The following TEX9 variants were observed in gnomAD, a reference collection of about 807,000 sequenced individuals.
The protein encoded by TEX9 is testis-expressed protein 9.
TEX9 carries 74 observed loss-of-function variants against 59.6 expected under a neutral mutation model. That is an observed-to-expected ratio of 1.24 (90% CI 1.03 to 1.51). TEX9 has a LOEUF of 1.51. Ranked by LOEUF, TEX9 falls within the 40% of genes most tolerant of loss-of-function variation. The pLI is 0.00. For missense variants in TEX9, 522 were observed against 447.8 expected (o/e 1.17, Z -1.49); for synonymous variants, 186 against 152.2 (o/e 1.22, Z -1.64).
At chr15:56,332,767 C>T (rs1189168229) in intron 1 of TEX9, among the ~76,000 whole-genome samples, 2 of 151,718 alleles carry the variant, frequency 1.3e-5, no homozygotes, top group East Asian at 1.9e-4. Context: ...AATGTACAAA[C>T]CGTTAGCCAG....
At chr15:56,401,691 G>A (rs1365777194) in intron 9 of TEX9, among the ~76,000 whole-genome samples, 2 of 152,114 alleles carry the variant, frequency 1.3e-5, no homozygotes, top group East Asian at 3.9e-4. Context: ...ATTCTTCTCA[G>A]CACATCACAC....
intron 1 of TEX9, among the ~76,000 whole-genome samples, chr15:56,359,216 A>T (rs544649166): frequency 6.6e-6 from 1 of 152,332 alleles, no homozygotes; most frequent in East Asian, 1.9e-4. Flanking sequence ...AATATACATA[A>T]AATTTACCAT....
chr15:56,400,028 G>T (rs1190835575), intron 9 of TEX9, among the ~76,000 whole-genome samples: 1 of 152,212 alleles, frequency 6.6e-6, no homozygotes. Flanking sequence ...AAGATGGGGA[G>T]AAACCAGAGC....
chr15:56,312,270 G>A (rs1192457041), intron 1 of TEX9, among the ~76,000 whole-genome samples: 3 of 137,994 alleles, frequency 2.2e-5, no homozygotes, highest in African/African-American at 2.7e-5. Flanking sequence ...GGGTTTTTAC[G>A]GTTTTAGGTC....
rs183463322 is a variant in TEX9, at chr15:56,265,319, A to G, written c.-107+21041A>G. On this transcript the variant is annotated intron_variant, in intron 1 of 5. Coordinates refer to the TEX9 transcript ENST00000560827. ...GTTGCTGAAACTACAGGAATGTGCT[A>G]CCAGGCCCAGCTTTTTTTTTATTTT... Among the ~76,000 whole-genome samples, 57 of 151,754 alleles carry G rather than the reference A, an allele frequency of 3.8e-4. 1 individual carries two copies. In the East Asian group the frequency reaches 9.7e-3, roughly 26 times the overall value.
At chr15:56,414,478 G>C (rs2049567256) in intron 10 of TEX9, among the ~76,000 whole-genome samples, 1 of 151,770 alleles carries the variant, frequency 6.6e-6, no homozygotes, top group Non-Finnish European at 1.5e-5. Context: ...CCACTTATAA[G>C]TGAAAACAAG....
At position 56,387,394 on chromosome 15, in the gene TEX9, A is replaced by G. The variant is rs151174713; in HGVS notation, c.264-1078A>G. Among the ~76,000 whole-genome samples, 686 of 152,080 alleles carry G rather than the reference A, an allele frequency of 4.5e-3. 6 individuals carry two copies. Among genetic ancestry groups the G allele is most frequent in the African/African-American group, 0.016 (654 of 41,534 alleles). On this transcript the variant is annotated intron_variant, in intron 4 of 12. Transcript: ENST00000352903. The stretch of plus-strand genomic sequence containing the variant: ...TAACATTTGGAAACATTTTCATGTC[A>G]TTTGTGAGAATGATTTAGTTTCTGT...
At chr15:56,403,664 T>A (rs1305113691) in intron 9 of TEX9, among the ~76,000 whole-genome samples, 3 of 152,138 alleles carry the variant, frequency 2.0e-5, no homozygotes, top group Admixed American at 6.5e-5. Context: ...AAAAGAGCCC[T>A]CATTGCCAAG....
At chr15:56,445,193 T>C (rs2050886597) in intron 12 of TEX9, among the ~76,000 whole-genome samples, 1 of 152,036 alleles carries the variant, frequency 6.6e-6, no homozygotes, top group East Asian at 1.9e-4. Context: ...CCCTTTCTGA[T>C]TTATTAAAGG....
the TEX9 span, among the ~76,000 whole-genome samples, chr15:56,455,551 G>A: frequency 8.5e-3 from 1,292 of 152,086 alleles, 12 homozygotes; most frequent in Middle Eastern, 0.021. Flanking sequence ...AACAACTATC[G>A]AAGTAAATTT....
At chr15:56,340,589 T>C (rs1371486886) in intron 1 of TEX9, among the ~76,000 whole-genome samples, 1 of 152,194 alleles carries the variant, frequency 6.6e-6, no homozygotes, top group African/African-American at 2.4e-5. Context: ...TCCAATGTCA[T>C]GGGAGAGCCC....
chr15:56,394,041 A>T (rs34544252), intron 7 of TEX9, 124 bp from the exon 8 acceptor site: 263,231 of 770,938 alleles, frequency 0.34, 47,808 homozygotes, highest in Middle Eastern at 0.43. Context: ...GCCCCCTAAC[A>T]GATATCTCCT....
At chr15:56,340,328 G>A (rs538403464) in intron 1 of TEX9, among the ~76,000 whole-genome samples, 1 of 152,090 alleles carries the variant, frequency 6.6e-6, no homozygotes, top group African/African-American at 2.4e-5. Flanking sequence ...GATAGACTTG[G>A]GCCAATACTC....
At chr15:56,331,460 G>C (rs994794255) in intron 1 of TEX9, among the ~76,000 whole-genome samples, 3 of 152,070 alleles carry the variant, frequency 2.0e-5, no homozygotes, top group Admixed American at 1.3e-4. Context: ...CATCTTCTCT[G>C]ACCACAATTA....
At chr15:56,369,698 G>C (rs1383068438) in intron 2 of TEX9, among the ~76,000 whole-genome samples, 1 of 152,110 alleles carries the variant, frequency 6.6e-6, no homozygotes, top group African/African-American at 2.4e-5. Flanking sequence ...CTTATTTGTG[G>C]CCAAGTGCTT....
At chr15:56,410,706 T>C (rs1596207696) in intron 9 of TEX9, among the ~76,000 whole-genome samples, 1 of 152,166 alleles carries the variant, frequency 6.6e-6, no homozygotes, top group East Asian at 1.9e-4. Flanking sequence ...TACAGGATGG[T>C]TTTCATTTTC....
At chr15:56,377,352 A>G (rs371857110) in intron 3 of TEX9, among the ~76,000 whole-genome samples, 3 of 152,214 alleles carry the variant, frequency 2.0e-5, no homozygotes, top group Middle Eastern at 3.4e-3. Context: ...GGTAGTATGG[A>G]CATTTTAACA....
intron 12 of TEX9, among the ~76,000 whole-genome samples, chr15:56,439,122 T>C (rs915653658): frequency 6.6e-6 from 1 of 152,080 alleles, no homozygotes; most frequent in South Asian, 2.1e-4. Flanking sequence ...CACAAAAATA[T>C]CAATTCACTA....
At chr15:56,262,600 G>A (rs758136273) in intron 1 of TEX9, among the ~76,000 whole-genome samples, 4 of 152,142 alleles carry the variant, frequency 2.6e-5, no homozygotes, top group African/African-American at 7.2e-5. Context: ...GTGTCATATC[G>A]ATATATCAAG....
Sources: allele counts gnomAD v4.1 joint callset (sites outside exome capture counted in the v4.1 genomes callset), GRCh38; gene constraint gnomAD v4.1.1; transcripts MANE v1.5; gene names NCBI Gene and HGNC (gene_info 2026-07-23, HGNC 2026-07-21).